JAK2: variants seen among roughly 807,000 people sequenced by gnomAD.
JAK2 encodes the protein Janus kinase 2.
Under a neutral mutation model 139.3 loss-of-function variants are expected in JAK2, and 86 were observed. The ratio of observed to expected loss-of-function variants is 0.62; its 90% confidence interval spans 0.52 to 0.74. JAK2 has a LOEUF of 0.74. Ranked by LOEUF, JAK2 falls within the 30% of genes least tolerant of loss-of-function variation. JAK2 has a pLI of 0.00. For synonymous variants in JAK2, 490 were observed against 437.7 expected (o/e 1.12, Z -1.49); for missense variants, 1,421 against 1,360.3 (o/e 1.04, Z -0.70).
chr9:5,103,738 A>C (rs974726938), intron 22 of JAK2, among the ~76,000 whole-genome samples: 4 of 152,218 alleles, frequency 2.6e-5, no homozygotes, highest in Non-Finnish European at 5.9e-5. Flanking sequence ...CAGTGCAATC[A>C]AATTAGAACT....
chr9:5,098,014 TATCTC>T (rs1170233881), intron 22 of JAK2: 1 of 152,180 alleles, frequency 6.6e-6, no homozygotes, highest in Non-Finnish European at 1.5e-5. Context: ...CATGAAATAT[TATCTC>T]ATCCTTAGGC....
chr9:5,046,271 T>G (rs1398401041), intron 5 of JAK2, among the ~76,000 whole-genome samples: 2 of 152,198 alleles, frequency 1.3e-5, no homozygotes, highest in Non-Finnish European at 2.9e-5. Flanking sequence ...GTTGTTTGTT[T>G]GTTGTTATAT....
chr9:5,019,887 G>A (rs569855920), intron 2 of JAK2, among the ~76,000 whole-genome samples: 2 of 152,324 alleles, frequency 1.3e-5, no homozygotes, highest in African/African-American at 2.4e-5. Context: ...TGGGGATGGT[G>A]ACACCAGCTG....
At chr9:5,036,515 G>C (rs1563944324) in intron 4 of JAK2, among the ~76,000 whole-genome samples, 1 of 152,166 alleles carries the variant, frequency 6.6e-6, no homozygotes, top group Non-Finnish European at 1.5e-5. Flanking sequence ...CATGGTACTG[G>C]TATCAAAACA....
rs1348960590 is a variant in JAK2 at position 5,129,496 on chromosome 9, C to G, written c.*2705C>G. Among the ~76,000 whole-genome samples the G allele has an allele frequency of 6.6e-6, 1 of 151,998 alleles. No homozygotes were observed. Among genetic ancestry groups the G allele is most frequent in the Non-Finnish European group, 1.5e-5 (1 of 67,958 alleles). On this transcript the variant is annotated 3_prime_UTR_variant, in exon 25 of 25. Coordinates refer to ENST00000381652, the MANE Select transcript of JAK2 (RefSeq NM_004972.4). ...TCTCATGAAAGTTTCTCTAATATTT[C>G]TAATGAAAGTTTCTCTAATTTGGGG...
intron 4 of JAK2, chr9:5,041,389 C>T (rs1277769860): frequency 4.8e-6 from 3 of 627,688 alleles, no homozygotes; most frequent in African/African-American, 3.6e-5. Flanking sequence ...AGGAGCAGAG[C>T]CACTGCAACA....
At chr9:5,089,467 G>A (rs187614156) in intron 19 of JAK2, among the ~76,000 whole-genome samples, 2 of 150,392 alleles carry the variant, frequency 1.3e-5, no homozygotes, top group African/African-American at 4.9e-5. Context: ...GAACCCAGGG[G>A]GCGGAGCTTG....
At chr9:5,042,004 C>A (rs1816581913) in intron 4 of JAK2, 1 of 348,144 alleles carries the variant, frequency 2.9e-6, no homozygotes, top group Non-Finnish European at 5.6e-6. Context: ...TGGGGCCCAC[C>A]CACAGCGGCC....
At chr9:5,055,884 A>G (rs1212401736) in intron 8 of JAK2, 96 bp downstream of exon 8, 4 of 1,132,412 alleles carry the variant, frequency 3.5e-6, no homozygotes, top group Non-Finnish European at 5.0e-6. Context: ...TCTGGTAGGA[A>G]TTTTGATTGT....
chr9:5,042,155 G>C (rs993628697), intron 4 of JAK2, among the ~76,000 whole-genome samples: 4 of 141,880 alleles, frequency 2.8e-5, no homozygotes, highest in African/African-American at 1.1e-4. Context: ...TTTTGAGACG[G>C]AGTCTCGCTT....
chr9:5,090,570 G>C lies in JAK2; in HGVS notation c.2886G>C (p.Lys962Asn). The C allele has an allele frequency of 6.4e-7, 1 of 1,568,516 alleles. No individual in the cohort carries two copies. The highest frequency in any genetic ancestry group is 8.6e-7 in the Non-Finnish European group (1 of 1,159,276). The change falls in exon 21 of 25, where the codon AAG becomes AAC. Residue 962 changes from lysine to asparagine, a missense_variant and splice_region_variant. Lys to Asn is a moderately conservative substitution (Grantham distance 94). Transcript: ENST00000381652. ...TGCAGTACACATCTCAGATATGCAAGGTAACTAATATCCTGATTATTTGCT... is the reference window on the plus strand; with the variant it reads ...TGCAGTACACATCTCAGATATGCAACGTAACTAATATCCTGATTATTTGCT... ...KLLQYTSQIC[K>N]GMEYLGTKRY...
intron 3 of JAK2, among the ~76,000 whole-genome samples, chr9:5,026,406 C>A (rs979555504): frequency 6.6e-6 from 1 of 152,030 alleles, no homozygotes; most frequent in Non-Finnish European, 1.5e-5. Context: ...AAATAACTTA[C>A]CGAAATTATT....
intron 19 of JAK2, among the ~76,000 whole-genome samples, chr9:5,086,541 GT>G (rs1344308060): frequency 4.6e-5 from 7 of 151,906 alleles, no homozygotes; most frequent in Non-Finnish European, 1.0e-4. Flanking sequence ...AGTACTCATT[GT>G]TTTCTCATCA....
At chr9:5,085,302 G>C in intron 19 of JAK2, 1 of 729,950 alleles carries the variant, frequency 1.4e-6, no homozygotes, top group East Asian at 2.9e-5. Context: ...AACATGAGGT[G>C]AAGTCGAATA....
chr9:5,010,268 A>G (rs1290943498), intron 2 of JAK2, among the ~76,000 whole-genome samples: 2 of 151,160 alleles, frequency 1.3e-5, no homozygotes, highest in Non-Finnish European at 2.9e-5. Context: ...TTTTACTTTT[A>G]TATCTATTTT....
intron 22 of JAK2, among the ~76,000 whole-genome samples, chr9:5,122,097 T>C (rs1355343257): frequency 1.3e-5 from 2 of 152,164 alleles, no homozygotes; most frequent in Non-Finnish European, 2.9e-5. Flanking sequence ...CAATAAGACC[T>C]GGAGTAGGCA....
chr9:5,086,114 C>A, intron 19 of JAK2: 1 of 455,390 alleles, frequency 2.2e-6, no homozygotes, highest in Middle Eastern at 7.2e-4. Flanking sequence ...GCGCGGGCAT[C>A]GGCAGCGGCG....
intron 8 of JAK2, among the ~76,000 whole-genome samples, chr9:5,058,654 A>G (rs900524851): frequency 2.0e-5 from 3 of 152,164 alleles, no homozygotes; most frequent in Non-Finnish European, 2.9e-5. Flanking sequence ...CAGCGGCACC[A>G]TTTTACATTC....
chr9:5,067,640 G>A (rs1204876591), intron 10 of JAK2, among the ~76,000 whole-genome samples: 1 of 151,646 alleles, frequency 6.6e-6, no homozygotes, highest in East Asian at 1.9e-4. Context: ...TTATATTCAA[G>A]TATGAATTCA....
Sources: gnomAD v4.1 joint callset for allele counts (sites outside exome capture counted in the v4.1 genomes callset) on GRCh38, gnomAD v4.1.1 for gene constraint, MANE v1.5 for transcripts, NCBI Gene and HGNC (gene_info 2026-07-23, HGNC 2026-07-21) for gene names.